Variants in ASIC2 observed in about 807,000 individuals in gnomAD.
ASIC2 encodes the protein acid-sensing ion channel 2.
ASIC2 carries 25 observed loss-of-function variants against 57.3 expected under a neutral mutation model. The observed-to-expected ratio is 0.44, with a 90% CI of 0.32 to 0.61. The LOEUF (loss-of-function observed/expected upper bound fraction) is 0.61. ASIC2 is among the 20% of genes least tolerant of loss of function. The pLI, the probability that ASIC2 is intolerant of heterozygous loss-of-function variation, is 0.06. For missense variants in ASIC2, 641 were observed against 738.1 expected (o/e 0.87, Z 1.52); for synonymous variants, 319 against 307.5 (o/e 1.04, Z -0.39).
At chr17:33,970,689 T>C (rs1905203591) in intron 1 of ASIC2, among the ~76,000 whole-genome samples, 1 of 151,896 alleles carries the variant, frequency 6.6e-6, no homozygotes, top group African/African-American at 2.4e-5. Flanking sequence ...TTGTGAAGAG[T>C]TGTAAGCACT....
intron 1 of ASIC2, among the ~76,000 whole-genome samples, chr17:33,127,059 C>G (rs573502063): frequency 6.6e-6 from 1 of 150,478 alleles, no homozygotes; most frequent in South Asian, 2.2e-4. Context: ...TTAGTAGAGA[C>G]GGGGTTTCAC....
rs1263480182 is a variant in ASIC2, at chr17:33,292,926, C to T, written c.-811G>A. The T allele has an allele frequency of 8.1e-6, 8 of 985,432 alleles. No homozygotes were observed. The highest frequency in any genetic ancestry group is 9.6e-6 in the Non-Finnish European group (8 of 830,012). The allele number at this position is 985,432 out of a possible 1,614,324, so 61.0% of individuals were successfully genotyped here. On this transcript the variant is annotated 5_prime_UTR_variant, in exon 1 of 10. Coordinates refer to ENST00000225823, the MANE Select transcript of ASIC2 (RefSeq NM_183377.2). ...CGTCCTGCGGGAGGCTGTTCGCCGC[C>T]GGGGTCCTTCAAGGATGCTAGCCGC...
At chr17:33,699,515 A>G (rs534708069) in intron 1 of ASIC2, among the ~76,000 whole-genome samples, 9 of 152,332 alleles carry the variant, frequency 5.9e-5, no homozygotes, top group Non-Finnish European at 1.2e-4. Context: ...TTTCGCAGCC[A>G]CATGTCCATA....
chr17:33,542,275 T>C, intron 1 of ASIC2, among the ~76,000 whole-genome samples: 1 of 150,140 alleles, frequency 6.7e-6, no homozygotes, highest in Non-Finnish European at 1.5e-5. Flanking sequence ...ATGGGATGGC[T>C]GGGTCAAATG....
chr17:33,594,777 T>G (rs891706757), intron 1 of ASIC2, among the ~76,000 whole-genome samples: 9 of 147,724 alleles, frequency 6.1e-5, no homozygotes, highest in African/African-American at 2.3e-4. Context: ...GCAGTGAGCC[T>G]AGATCGCACC....
At chr17:33,702,083 T>C (rs1908718610) in intron 1 of ASIC2, among the ~76,000 whole-genome samples, 1 of 152,180 alleles carries the variant, frequency 6.6e-6, no homozygotes, top group Admixed American at 6.5e-5. Context: ...CTTTCATTCC[T>C]CTTCAATGTG....
chr17:34,014,556 A>G (rs1272641093), intron 1 of ASIC2, among the ~76,000 whole-genome samples: 1 of 152,202 alleles, frequency 6.6e-6, no homozygotes, highest in Non-Finnish European at 1.5e-5. Context: ...GGCCCCGTCC[A>G]CAGACACCTA....
chr17:34,090,363 A>G (rs1910283562), intron 1 of ASIC2, among the ~76,000 whole-genome samples: 2 of 151,980 alleles, frequency 1.3e-5, no homozygotes, highest in Admixed American at 1.3e-4. Flanking sequence ...TTACTGAGTA[A>G]GTCAGCTGCA....
chr17:33,820,013 T>C (rs1268652383), intron 1 of ASIC2, among the ~76,000 whole-genome samples: 2 of 152,234 alleles, frequency 1.3e-5, no homozygotes, highest in Non-Finnish European at 2.9e-5. Context: ...TCTGAGACTC[T>C]TATGGAGTTT....
chr17:33,446,553 G>T (rs569003511), intron 1 of ASIC2, among the ~76,000 whole-genome samples: 1 of 152,192 alleles, frequency 6.6e-6, no homozygotes, highest in Admixed American at 6.5e-5. Flanking sequence ...AGTGCGATAG[G>T]TTTCAATCTC....
intron 1 of ASIC2, among the ~76,000 whole-genome samples, chr17:33,304,208 T>A (rs995099618): frequency 5.3e-5 from 8 of 152,128 alleles, no homozygotes; most frequent in African/African-American, 1.9e-4. Flanking sequence ...TAAAAAGTAC[T>A]GAGTAAAAAA....
chr17:33,840,346 A>G (rs1321779072), intron 1 of ASIC2, among the ~76,000 whole-genome samples: 1 of 152,108 alleles, frequency 6.6e-6, no homozygotes, highest in African/African-American at 2.4e-5. Flanking sequence ...GGGGTTTTTG[A>G]GATGAATTTC....
intron 1 of ASIC2, among the ~76,000 whole-genome samples, chr17:33,330,010 G>A (rs1907246109): frequency 6.6e-6 from 1 of 152,148 alleles, no homozygotes; most frequent in African/African-American, 2.4e-5. Flanking sequence ...TAGGAAAAGG[G>A]TTGTGTTCTC....
intron 1 of ASIC2, among the ~76,000 whole-genome samples, chr17:33,987,698 A>C (rs1214869100): frequency 6.6e-6 from 1 of 152,200 alleles, no homozygotes; most frequent in Admixed American, 6.5e-5. Context: ...GCATTTACTG[A>C]GGCACTGTTA....
At chr17:33,745,614 G>A (rs1351233405) in intron 1 of ASIC2, among the ~76,000 whole-genome samples, 1 of 151,422 alleles carries the variant, frequency 6.6e-6, no homozygotes, top group Non-Finnish European at 1.5e-5. Flanking sequence ...CAGAAACAAT[G>A]TAAGTCAGAA....
chr17:33,112,287 G>T, intron 1 of ASIC2: 1 of 556,288 alleles, frequency 1.8e-6, no homozygotes, highest in Non-Finnish European at 3.1e-6. Flanking sequence ...GCCCTTTGGG[G>T]TTTGTTGCAG....
At position 33,316,095 on chromosome 17, in the gene ASIC2, TC is replaced by T. The variant is rs1906633579; in HGVS notation, c.556-204029del. Among the ~76,000 whole-genome samples, 7 of 152,328 alleles carry T rather than the reference TC, an allele frequency of 4.6e-5. No individual in the cohort carries two copies. The South Asian group carries it at 1.4e-3, about 32-fold the overall frequency. ...TAAGTTGGATCAATTTTATTCCCCT[TC>T]TTTTTGCTAGAAATGTAACCTCATG... is the stretch of plus-strand genomic sequence containing the variant. On this transcript the variant is annotated intron_variant, in intron 1 of 9. Coordinates refer to the ASIC2 transcript ENST00000359872.
At chr17:33,951,920 C>T (rs891504657) in intron 1 of ASIC2, among the ~76,000 whole-genome samples, 10 of 152,034 alleles carry the variant, frequency 6.6e-5, no homozygotes, top group Admixed American at 1.3e-4. Flanking sequence ...CTGAAAGAAC[C>T]CTTTTCTTTT....
chr17:33,021,916 ATC>A (rs1182181896), intron 6 of ASIC2, among the ~76,000 whole-genome samples: 2 of 152,204 alleles, frequency 1.3e-5, no homozygotes, highest in Non-Finnish European at 2.9e-5. Context: ...AGTGAGACAC[ATC>A]TCGGCAGTAA....
Sources: gnomAD v4.1 joint callset for allele counts (sites outside exome capture counted in the v4.1 genomes callset) on GRCh38, gnomAD v4.1.1 for gene constraint, MANE v1.5 for transcripts, NCBI Gene and HGNC (gene_info 2026-07-23, HGNC 2026-07-21) for gene names.